Variants in DEPTOR observed in about 807,000 individuals in gnomAD.
DEPTOR encodes the protein DEP domain-containing mTOR-interacting protein.
DEPTOR carries 41 observed loss-of-function variants against 41.6 expected under a neutral mutation model. The observed-to-expected ratio is 0.98, with a 90% CI of 0.77 to 1.28. DEPTOR has a LOEUF of 1.28. Ranked by LOEUF, DEPTOR falls within the 50% of genes most tolerant of loss-of-function variation. The pLI is 0.00. For missense variants in DEPTOR, 514 were observed against 527.9 expected, an observed-to-expected ratio of 0.97 and a Z score of 0.26; for synonymous variants, 195 against 192.3, an observed-to-expected ratio of 1.01 and a Z score of -0.12.
chr8:120,004,171 T>C (rs531195504), intron 6 of DEPTOR, among the ~76,000 whole-genome samples: 1 of 152,354 alleles, frequency 6.6e-6, no homozygotes, highest in Admixed American at 6.5e-5. Flanking sequence ...CACTAATTGA[T>C]GCAGTTCAAA....
chr8:120,026,795 A>G (rs1297314914), intron 8 of DEPTOR, among the ~76,000 whole-genome samples: 1 of 152,218 alleles, frequency 6.6e-6, no homozygotes, highest in East Asian at 1.9e-4. Flanking sequence ...GGCTTGGCCC[A>G]TCGGGCACTC....
chr8:119,899,568 A>C (rs1222764517), intron 1 of DEPTOR, among the ~76,000 whole-genome samples: 1 of 152,240 alleles, frequency 6.6e-6, no homozygotes, highest in Non-Finnish European at 1.5e-5. Flanking sequence ...GCTTTCTGAG[A>C]TGAGTTTTCT....
chr8:119,886,575 C>A (rs114065007), intron 1 of DEPTOR, among the ~76,000 whole-genome samples: 1 of 152,102 alleles, frequency 6.6e-6, no homozygotes, highest in Non-Finnish European at 1.5e-5. Flanking sequence ...CCACGATTCA[C>A]GCACAACCCT....
chr8:119,897,405 C>T lies in DEPTOR; in HGVS notation c.122+23437C>T, dbSNP rs970471253. Among the ~76,000 whole-genome samples, 12 of 151,996 alleles carry T rather than the reference C, an allele frequency of 7.9e-5. No homozygotes were observed. In the South Asian group the frequency reaches 1.5e-3, roughly 18 times the overall value. ...AAAATTAGCTGGACATGGTAGCAGG[C>T]GCCTGTAATCCCAGCTACTCGGGAG... is the stretch of plus-strand genomic sequence containing the variant. On this transcript the variant is annotated intron_variant, in intron 1 of 8. Coordinates refer to ENST00000286234, the MANE Select transcript of DEPTOR (RefSeq NM_022783.4).
intron 1 of DEPTOR, among the ~76,000 whole-genome samples, chr8:119,899,242 C>G (rs1012856772): frequency 1.3e-5 from 2 of 152,114 alleles, no homozygotes; most frequent in Non-Finnish European, 2.9e-5. Flanking sequence ...CAAGAAATTA[C>G]TTTAGAAACC....
intron 1 of DEPTOR, among the ~76,000 whole-genome samples, chr8:119,902,126 A>G (rs995620881): frequency 1.3e-5 from 2 of 152,270 alleles, no homozygotes; most frequent in East Asian, 3.9e-4. Flanking sequence ...GATTATGTTG[A>G]TTCCCAATTT....
rs573564865 is a variant in DEPTOR, at chr8:119,909,576, T to C, written c.123-18824T>C. Among the ~76,000 whole-genome samples the C allele has an allele frequency of 6.6e-5, 10 of 152,338 alleles. No individual in the cohort carries two copies. In the East Asian group the frequency reaches 1.5e-3, roughly 24 times the overall value. On this transcript the variant is annotated intron_variant, in intron 1 of 8. Coordinates refer to ENST00000286234, the MANE Select transcript of DEPTOR (RefSeq NM_022783.4). ...GAAAGGTGTAAATATGCAAATTAAC[T>C]CTACAGATAAAACCATTAATGTAAA...
At chr8:120,021,962 A>G (rs1158909872) in intron 8 of DEPTOR, among the ~76,000 whole-genome samples, 3 of 152,092 alleles carry the variant, frequency 2.0e-5, no homozygotes, top group Admixed American at 6.6e-5. Context: ...CCTAGGCAAC[A>G]TAGCAAGACC....
intron 3 of DEPTOR, among the ~76,000 whole-genome samples, chr8:119,942,827 C>G (rs1828220865): frequency 6.6e-6 from 1 of 152,172 alleles, no homozygotes. Flanking sequence ...AAAATGCATA[C>G]TTCACAGGCA....
At chr8:119,923,630 A>G (rs1372565811) in intron 1 of DEPTOR, among the ~76,000 whole-genome samples, 4 of 152,198 alleles carry the variant, frequency 2.6e-5, no homozygotes, top group Non-Finnish European at 5.9e-5. Flanking sequence ...TTGTCCTGAC[A>G]GTTTATAATT....
chr8:120,001,436 G>A, intron 4 of DEPTOR, 89 bp from the exon 5 acceptor site: 1 of 1,182,608 alleles, frequency 8.5e-7, no homozygotes, highest in Admixed American at 2.7e-5. Context: ...TGAGACTTTT[G>A]CCGCTGTTGC....
chr8:119,900,353 AC>A (rs1563960619), intron 1 of DEPTOR, among the ~76,000 whole-genome samples: 11 of 61,960 alleles, frequency 1.8e-4, no homozygotes, highest in Non-Finnish European at 3.5e-4. Flanking sequence ...AAAAAAAAAA[AC>A]TAAATGTCTA....
In DEPTOR at chr8:119,898,719, A is replaced by C. The variant is rs141711111; in HGVS notation, c.122+24751A>C. Among the ~76,000 whole-genome samples the C allele has an allele frequency of 8.0e-3, 1,206 of 150,558 alleles. 23 individuals carry two copies. The highest frequency in any genetic ancestry group is 0.027 in the African/African-American group (1,131 of 41,232). On this transcript the variant is annotated intron_variant, in intron 1 of 8. Transcript: ENST00000286234. ...AGCCTGGGTCCCTGTCTCAAAAAAA[A>C]TAAAAACTAAAAAAAAAAAAAGCCT...
intron 3 of DEPTOR, among the ~76,000 whole-genome samples, chr8:119,953,363 A>G (rs192308941): frequency 6.6e-6 from 1 of 152,294 alleles, no homozygotes; most frequent in East Asian, 1.9e-4. Flanking sequence ...CAGGCAGATC[A>G]CTTGAGGTCA....
At chr8:119,962,989 G>A (rs1440430833) in intron 3 of DEPTOR, among the ~76,000 whole-genome samples, 1 of 152,148 alleles carries the variant, frequency 6.6e-6, no homozygotes, top group Non-Finnish European at 1.5e-5. Context: ...AAGGAAGAAC[G>A]TGAGCTCAGT....
At chr8:119,998,745 G>A (rs910596062) in intron 4 of DEPTOR, among the ~76,000 whole-genome samples, 3 of 152,136 alleles carry the variant, frequency 2.0e-5, no homozygotes, top group Non-Finnish European at 4.4e-5. Flanking sequence ...AGTCATACAT[G>A]AGCAGTTTTA....
chr8:119,965,144 T>G (rs1185881832), intron 3 of DEPTOR, 88 bp from the exon 4 acceptor site: 1 of 1,401,676 alleles, frequency 7.1e-7, no homozygotes, highest in Admixed American at 2.6e-5. Flanking sequence ...ACAACTTTGC[T>G]GTAGTACTTC....
chr8:119,904,795 G>A (rs1227421014), intron 1 of DEPTOR, among the ~76,000 whole-genome samples: 3 of 150,948 alleles, frequency 2.0e-5, no homozygotes, highest in Middle Eastern at 3.6e-3. Context: ...TTTGCACCCC[G>A]CCTTTATTTT....
chr8:120,044,469 G>A (rs527857548), intron 8 of DEPTOR, among the ~76,000 whole-genome samples: 1 of 152,234 alleles, frequency 6.6e-6, no homozygotes, highest in African/African-American at 2.4e-5. Context: ...GGCAGATCTG[G>A]GGACCCAAAT....
Sources: allele counts gnomAD v4.1 joint callset (sites outside exome capture counted in the v4.1 genomes callset), GRCh38; gene constraint gnomAD v4.1.1; transcripts MANE v1.5; gene names NCBI Gene and HGNC (gene_info 2026-07-23, HGNC 2026-07-21).